The following ZSCAN25 variants were observed in gnomAD, a reference collection of about 807,000 sequenced individuals.
ZSCAN25 encodes zinc finger and SCAN domain containing 25, also known as zinc finger and SCAN domain-containing protein 25.
Under a neutral mutation model 38.7 loss-of-function variants are expected in ZSCAN25, and 27 were observed. The observed-to-expected ratio is 0.70, with a 90% CI of 0.51 to 0.96. The LOEUF is 0.96. ZSCAN25 is among the 40% of genes least tolerant of loss of function. The pLI is 0.00. For missense variants in ZSCAN25, 637 were observed against 705.9 expected (o/e 0.90, Z 1.11); for synonymous variants, 273 against 277.7 (o/e 0.98, Z 0.17).
At chr7:99,652,812 A>G in the ZSCAN25 span, 1 of 1,564,108 alleles carries the variant, frequency 6.4e-7, no homozygotes, top group Non-Finnish European at 8.8e-7. Flanking sequence ...GGATAATCTG[A>G]GATTTTGAAT....
chr7:99,681,584 G>A, the ZSCAN25 span, among the ~76,000 whole-genome samples: 9 of 152,214 alleles, frequency 5.9e-5, no homozygotes, highest in Non-Finnish European at 8.8e-5. Context: ...CTTATCATAT[G>A]CCTATGTGGC....
chr7:99,697,138 T>C, the ZSCAN25 span, among the ~76,000 whole-genome samples: 1 of 152,212 alleles, frequency 6.6e-6, no homozygotes, highest in African/African-American at 2.4e-5. Flanking sequence ...CCAGATATGC[T>C]CACTTTTTTC....
chr7:99,664,339 G>A, the ZSCAN25 span, among the ~76,000 whole-genome samples: 1,011 of 152,324 alleles, frequency 6.6e-3, 5 homozygotes, highest in Middle Eastern at 0.054. Context: ...AGTGACCAAA[G>A]TAATAGAATT....
At chr7:99,705,828 G>A in the ZSCAN25 span, among the ~76,000 whole-genome samples, 1 of 152,172 alleles carries the variant, frequency 6.6e-6, no homozygotes, top group Non-Finnish European at 1.5e-5. Context: ...CACCTATTCT[G>A]TGTGAGGTTT....
At chr7:99,697,734 C>T in the ZSCAN25 span, among the ~76,000 whole-genome samples, 347 of 152,212 alleles carry the variant, frequency 2.3e-3, 3 homozygotes, top group African/African-American at 8.1e-3. Flanking sequence ...CATGGAGGGT[C>T]GTGTTTGGAG....
chr7:99,713,206 T>C, the ZSCAN25 span, among the ~76,000 whole-genome samples: 1 of 152,200 alleles, frequency 6.6e-6, no homozygotes, highest in Non-Finnish European at 1.5e-5. Flanking sequence ...TGGCATTTGA[T>C]CTTATGTAGG....
At chr7:99,690,570 A>T in the ZSCAN25 span, among the ~76,000 whole-genome samples, 1 of 152,190 alleles carries the variant, frequency 6.6e-6, no homozygotes, top group Non-Finnish European at 1.5e-5. Context: ...TAATATCCAG[A>T]ATCTACAATG....
chr7:99,682,468 T>A, the ZSCAN25 span, among the ~76,000 whole-genome samples: 1 of 152,248 alleles, frequency 6.6e-6, no homozygotes, highest in African/African-American at 2.4e-5. Context: ...GGTTCTCTAT[T>A]CTATTTCATT....
chr7:99,685,280 A>G, the ZSCAN25 span: 1 of 1,611,108 alleles, frequency 6.2e-7, no homozygotes, highest in South Asian at 1.1e-5. Context: ...AAATAAAGCA[A>G]AATTAGAAAC....
At chr7:99,661,936 G>A in the ZSCAN25 span, among the ~76,000 whole-genome samples, 1 of 152,158 alleles carries the variant, frequency 6.6e-6, no homozygotes, top group African/African-American at 2.4e-5. Flanking sequence ...AGTGGCATTG[G>A]CCACATGTCC....
At chr7:99,642,767 G>A in the ZSCAN25 span, among the ~76,000 whole-genome samples, 1 of 152,094 alleles carries the variant, frequency 6.6e-6, no homozygotes, top group African/African-American at 2.4e-5. Context: ...ACATGCCCTG[G>A]AACTTCAGCT....
chr7:99,643,221 G>A, the ZSCAN25 span, among the ~76,000 whole-genome samples: 22 of 152,014 alleles, frequency 1.4e-4, no homozygotes, highest in South Asian at 8.3e-4. Flanking sequence ...ATGAGAAAGG[G>A]AATGTTTCTC....
chr7:99,662,888 A>G, the ZSCAN25 span: 25 of 1,613,704 alleles, frequency 1.5e-5, no homozygotes, highest in Admixed American at 5.0e-5. The surrounding 1 kb of genome is among the most constrained non-coding windows in gnomAD (Gnocchi z 4.3). Flanking sequence ...CGGTGCTAGA[A>G]GCAAAAGGAG....
chr7:99,619,979 C>T lies in ZSCAN25; in HGVS notation c.373C>T (p.Leu125=). ...GGTGGAGGACCTGACAGAAAGAGCA[C>T]TGGAGGCCAAGGCGGTGGGTGAGGA... The part of the protein sequence containing the change: ...AMVEDLTERA[L]EAKAVPCHRQ... Residue 125 remains leucine, a synonymous_variant, in exon 4 of 8, where the codon CTG becomes TTG. Transcript: ENST00000394152. 1.2e-6 allele frequency: 2 copies of T among 1,613,194 alleles called. No homozygotes were observed. The highest frequency in any genetic ancestry group is 2.2e-5 in the East Asian group (1 of 44,878).
At position 99,630,007 on chromosome 7, in the gene ZSCAN25, C is replaced by T. The variant is rs746749402; in HGVS notation, c.1622C>T (p.Pro541Leu). 30 of 1,564,806 alleles carry T rather than the reference C, an allele frequency of 1.9e-5. No individual in the cohort carries two copies. The highest frequency in any genetic ancestry group is 4.1e-5 in the African/African-American group (3 of 73,666). Residue 541 changes from proline (P) to leucine (L), a missense_variant, in exon 8 of 8, where the codon CCG (proline) becomes CTG (leucine). Physicochemically the swap from Pro to Leu is moderately conservative, Grantham distance 98. Transcript: ENST00000394152. ...RHQKTQHRQE[P>L]LVQ ...CAGAAGACCCAGCACCGCCAGGAGC[C>T]GCTGGTGCAGTGAGCATAGCAGGTG...
At chr7:99,679,714 G>T in the ZSCAN25 span, 27 of 994,230 alleles carry the variant, frequency 2.7e-5, no homozygotes, top group African/African-American at 4.0e-4. Context: ...CAACACTTCA[G>T]CTACTTCTCC....
At position 99,629,086 on chromosome 7, in the gene ZSCAN25, A is replaced by G. The variant is rs2151295229; in HGVS notation, c.806-105A>G. 1 of 1,470,410 alleles carries G rather than the reference A, an allele frequency of 6.8e-7. No individual in the cohort carries two copies. Among genetic ancestry groups the G allele is most frequent in the East Asian group, 2.3e-5 (1 of 42,628 alleles). The allele number at this position is 1,470,410 out of a possible 1,614,324, so 91.1% of individuals were successfully genotyped here. A position where few individuals can be genotyped will look rare whatever the true frequency, so the allele number is the denominator to read the frequency against. ...TGAGTTGAGGTTGTTGGTCAAAGGAAAAAAGAGAAGGAACCATGAATGGGA... is the reference window on the plus strand; with the variant it reads ...TGAGTTGAGGTTGTTGGTCAAAGGAGAAAAGAGAAGGAACCATGAATGGGA... On this transcript the variant is annotated intron_variant, in intron 7 of 7. Coordinates refer to ENST00000394152, the MANE Select transcript of ZSCAN25 (RefSeq NM_145115.3). The surrounding 1 kb of genome is among the most constrained non-coding windows in gnomAD (Gnocchi z 5.6).
the ZSCAN25 span, among the ~76,000 whole-genome samples, chr7:99,698,250 G>A: frequency 0.058 from 8,837 of 152,230 alleles, 530 homozygotes; most frequent in East Asian, 0.25. Context: ...CTGGCTGCCC[G>A]AGTCTGTAGT....
chr7:99,666,434 G>GC, the ZSCAN25 span, among the ~76,000 whole-genome samples: 1 of 152,130 alleles, frequency 6.6e-6, no homozygotes, highest in Non-Finnish European at 1.5e-5. Flanking sequence ...TTGCTGACTT[G>GC]CCGCCTCATG....
Sources: gnomAD v4.1 joint callset for allele counts (sites outside exome capture counted in the v4.1 genomes callset) on GRCh38, gnomAD v4.1.1 for gene constraint, Gnocchi (gnomAD v3.1) non-coding constraint, MANE v1.5 for transcripts, NCBI Gene and HGNC (gene_info 2026-07-23, HGNC 2026-07-21) for gene names.